The following RAB9B variants were observed in gnomAD, a reference collection of about 807,000 sequenced individuals.
RAB9B encodes RAB9B, member RAS oncogene family.
Under a neutral mutation model 8.9 loss-of-function variants are expected in RAB9B, and 1 was observed. The ratio of observed to expected loss-of-function variants is 0.11; its 90% CI spans 0.04 to 0.53. The LOEUF is 0.53. RAB9B is among the 20% of genes least tolerant of loss of function. RAB9B has a pLI of 0.93. For missense variants in RAB9B, 82 were observed against 152.9 expected (o/e 0.54, Z 2.45); for synonymous variants, 63 against 57.0 (o/e 1.10, Z -0.47).
intron 2 of RAB9B, among the ~76,000 whole-genome samples, chrX:103,826,166 G>T (rs960769264): frequency 2.7e-5 from 3 of 111,711 alleles, no homozygotes; most frequent in African/African-American, 9.7e-5. Context: ...TTTAGCTTCC[G>T]GTTTGGACAG....
chrX:103,805,378 T>C, the RAB9B span, among the ~76,000 whole-genome samples: 4 of 112,100 alleles, frequency 3.6e-5, no homozygotes, highest in Non-Finnish European at 5.6e-5. Flanking sequence ...ATATGTTGCC[T>C]GACTCAGTTT....
chrX:103,825,866 C>A, intron 2 of RAB9B, 40 bp from the exon 3 acceptor site: 1 of 1,000,815 alleles, frequency 1.0e-6, no homozygotes, highest in Non-Finnish European at 1.4e-6. Flanking sequence ...AACAGTTAAA[C>A]CTGAAACTGA....
chrX:103,789,274 C>A, the RAB9B span: 1 of 809,629 alleles, frequency 1.2e-6, no homozygotes, highest in Non-Finnish European at 1.9e-6. Flanking sequence ...TCATGATTTA[C>A]AGTGGAGCAT....
At chrX:103,829,740 A>T (rs2074696475) in intron 1 of RAB9B, among the ~76,000 whole-genome samples, 1 of 112,289 alleles carries the variant, frequency 8.9e-6, no homozygotes, top group South Asian at 3.7e-4. Flanking sequence ...AGTTGAAATA[A>T]TGTCATTATA....
chrX:103,828,909 C>T (rs2074693468), intron 1 of RAB9B, among the ~76,000 whole-genome samples: 1 of 111,945 alleles, frequency 8.9e-6, no homozygotes. Context: ...ATCACTGTTA[C>T]ACCATTCATT....
At chrX:103,797,244 G>C in the RAB9B span, among the ~76,000 whole-genome samples, 1 of 108,294 alleles carries the variant, frequency 9.2e-6, no homozygotes, top group Non-Finnish European at 1.9e-5. Context: ...ACTGCACCAT[G>C]CTCAGTGCTA....
the RAB9B span, among the ~76,000 whole-genome samples, chrX:103,796,738 A>T: frequency 9.5e-6 from 1 of 104,719 alleles, no homozygotes; most frequent in South Asian, 4.7e-4. Flanking sequence ...AGCTGCAGAG[A>T]TTAGCTGAAT....
chrX:103,781,153 A>G, the RAB9B span: 3 of 232,197 alleles, frequency 1.3e-5, no homozygotes, highest in African/African-American at 5.8e-5. Context: ...TCCTTTGATG[A>G]GTTCCCAGAT....
downstream of RAB9B, among the ~76,000 whole-genome samples, chrX:103,820,983 T>TACACACACAC (rs1191042577): frequency 2.9e-4 from 6 of 20,968 alleles, no homozygotes; most frequent in Admixed American, 9.9e-4. Context: ...CACACACACA[T>TACACACACAC]ACACACACAC....
the RAB9B span, chrX:103,788,969 T>C: frequency 4.5e-5 from 14 of 313,653 alleles, no homozygotes; most frequent in South Asian, 2.1e-4. Flanking sequence ...AGATATTATA[T>C]ACAAATGAGG....
chrX:103,787,990 G>C, the RAB9B span: 1 of 1,154,085 alleles, frequency 8.7e-7, no homozygotes, highest in African/African-American at 1.8e-5. Flanking sequence ...CGGGTGCTTT[G>C]GCTCTCCTAC....
the RAB9B span, among the ~76,000 whole-genome samples, chrX:103,814,992 G>A: frequency 2.7e-5 from 3 of 111,781 alleles, no homozygotes; most frequent in Non-Finnish European, 5.6e-5. Flanking sequence ...ATTCACAGCC[G>A]AATTCTACCA....
the RAB9B span, among the ~76,000 whole-genome samples, chrX:103,813,773 C>CAAAAAAA: frequency 3.6e-5 from 1 of 27,862 alleles, no homozygotes; most frequent in Non-Finnish European, 7.4e-5. Context: ...AAAAAAAAAG[C>CAAAAAAA]AGGAGTGGCA....
the RAB9B span, chrX:103,790,660 G>A: frequency 1.2e-6 from 1 of 840,644 alleles, no homozygotes; most frequent in Non-Finnish European, 1.8e-6. Flanking sequence ...CTACAATGCT[G>A]CGTCTCCCAT....
chrX:103,814,505 C>T, the RAB9B span, among the ~76,000 whole-genome samples: 42 of 111,190 alleles, frequency 3.8e-4, no homozygotes, highest in African/African-American at 1.3e-3. Context: ...AAAATCGACA[C>T]CCTAACATCA....
the RAB9B span, chrX:103,786,070 A>G: frequency 3.8e-6 from 4 of 1,043,874 alleles, no homozygotes; most frequent in Non-Finnish European, 4.9e-6. Flanking sequence ...CGTAGTAGGT[A>G]TGGAGAAGCC....
chrX:103,791,939 T>C, the RAB9B span: 3 of 112,198 alleles, frequency 2.7e-5, no homozygotes, highest in African/African-American at 9.7e-5. Context: ...GTTATCTTGG[T>C]GTGTTAAGAG....
the RAB9B span, among the ~76,000 whole-genome samples, chrX:103,782,319 A>G: frequency 8.9e-6 from 1 of 112,451 alleles, no homozygotes; most frequent in East Asian, 2.8e-4. Flanking sequence ...ATTAAAGCCT[A>G]CTTCTTTCTT....
chrX:103,782,447 G>T, the RAB9B span, among the ~76,000 whole-genome samples: 3 of 111,759 alleles, frequency 2.7e-5, no homozygotes, highest in African/African-American at 6.5e-5. Context: ...ACTCAGAATT[G>T]CTCCTAAGGC....
Sources: allele counts gnomAD v4.1 joint callset (sites outside exome capture counted in the v4.1 genomes callset), GRCh38; gene constraint gnomAD v4.1.1; transcripts MANE v1.5; gene names NCBI Gene and HGNC (gene_info 2026-07-23, HGNC 2026-07-21).